Variants in TMED2 observed in about 807,000 individuals in gnomAD.
TMED2 encodes the protein transmembrane emp24 domain-containing protein 2.
Under a neutral mutation model 17.5 loss-of-function variants are expected in TMED2, and 3 were observed. That is an observed-to-expected ratio of 0.17 (90% CI 0.08 to 0.44). TMED2 has a LOEUF of 0.44. TMED2 is among the 20% of genes least tolerant of loss of function. TMED2 has a pLI of 0.99. For missense variants in TMED2, 149 were observed against 254.8 expected (o/e 0.58, Z 2.83); for synonymous variants, 95 against 91.0 (o/e 1.04, Z -0.25).
chr12:123,587,823 G>A (rs1231848297), intron 2 of TMED2, among the ~76,000 whole-genome samples: 1 of 151,974 alleles, frequency 6.6e-6, no homozygotes, highest in Admixed American at 6.6e-5. Flanking sequence ...GTATAGGTTA[G>A]GTTATTTTAA....
intron 1 of TMED2, chr12:123,585,612 G>C (rs1288059800): frequency 1.3e-5 from 2 of 152,216 alleles, no homozygotes; most frequent in Non-Finnish European, 2.9e-5. Context: ...CAGTAGGGCT[G>C]GGCACAAGTT....
chr12:123,587,786 G>T (rs994826956), intron 2 of TMED2, among the ~76,000 whole-genome samples: 5 of 151,562 alleles, frequency 3.3e-5, no homozygotes, highest in Non-Finnish European at 7.4e-5. Flanking sequence ...TATTTTTTTT[G>T]GTGGTTTTTT....
intron 3 of TMED2, among the ~76,000 whole-genome samples, chr12:123,591,397 C>G (rs1210580996): frequency 1.3e-5 from 2 of 152,196 alleles, no homozygotes; most frequent in Non-Finnish European, 2.9e-5. Context: ...TTAAGAGGTA[C>G]TATATTGACA....
chr12:123,586,257 C>T (rs986570790), intron 1 of TMED2: 1 of 151,910 alleles, frequency 6.6e-6, no homozygotes, highest in Non-Finnish European at 1.5e-5. Flanking sequence ...GAAGTCAACT[C>T]TTATTTTATA....
intron 1 of TMED2, chr12:123,585,148 AG>A (rs1196547356): frequency 7.8e-6 from 2 of 257,356 alleles, no homozygotes; most frequent in African/African-American, 2.2e-5. Flanking sequence ...CGGGCCCCAA[AG>A]GCGCTTCTCA....
intron 3 of TMED2, among the ~76,000 whole-genome samples, chr12:123,593,823 T>C (rs1197094101): frequency 6.6e-6 from 1 of 151,828 alleles, no homozygotes; most frequent in African/African-American, 2.4e-5. Context: ...AGACACAGGG[T>C]CTTACTCTGT....
Position 123,584,584 on chromosome 12 carries a change from GC to G in TMED2, c.-52del. On this transcript the variant is annotated 5_prime_UTR_variant, in exon 1 of 4. Transcript: ENST00000262225. ...CAGCGGGGCGGCGGCGGCGGCGGCG[GC>G]GGCGGCTGTGGAGGCCGCAGTCCGG... 6.4e-7 allele frequency: 1 copy of G among 1,570,262 alleles called. No homozygotes were observed. Among genetic ancestry groups the G allele is most frequent in the South Asian group, 1.1e-5 (1 of 88,702 alleles).
chr12:123,594,520 G>A (rs1402074957), intron 3 of TMED2, among the ~76,000 whole-genome samples: 1 of 152,160 alleles, frequency 6.6e-6, no homozygotes, highest in Non-Finnish European at 1.5e-5. Flanking sequence ...CTGCTTCTGA[G>A]CCTGAGGCAG....
chr12:123,587,140 C>G (rs377652594), intron 2 of TMED2, among the ~76,000 whole-genome samples: 1 of 151,660 alleles, frequency 6.6e-6, no homozygotes, highest in African/African-American at 2.4e-5. Context: ...TTTTGTTGTT[C>G]TTTTTTCTTT....
At chr12:123,584,991 G>A (rs1206466948) in intron 1 of TMED2, 175 bp downstream of exon 1, 6 of 779,772 alleles carry the variant, frequency 7.7e-6, no homozygotes, top group African/African-American at 3.5e-5. Context: ...ACCTCCTAAC[G>A]GCCCCTTTTC....
chr12:123,595,287 T>C (rs1953422987), intron 3 of TMED2, among the ~76,000 whole-genome samples: 1 of 152,186 alleles, frequency 6.6e-6, no homozygotes. Context: ...AAATAGAGTA[T>C]AGTAAATATA....
At chr12:123,587,587 T>C in intron 2 of TMED2, 1 of 1,276,606 alleles carries the variant, frequency 7.8e-7, no homozygotes, top group Non-Finnish European at 1.0e-6. Context: ...CTTTTTGTGT[T>C]AAGATATCTT....
chr12:123,585,818 T>C (rs1378029343), intron 1 of TMED2: 1 of 152,228 alleles, frequency 6.6e-6, no homozygotes, highest in African/African-American at 2.4e-5. Context: ...GTCTTCTCAT[T>C]TCCAGGCTAG....
chr12:123,587,685 G>A, intron 2 of TMED2: 4 of 1,244,746 alleles, frequency 3.2e-6, no homozygotes, highest in Non-Finnish European at 4.1e-6. Context: ...GTTTGCTAAT[G>A]TCTAATTTCT....
chr12:123,585,901 C>G (rs1397440219), intron 1 of TMED2: 1 of 152,120 alleles, frequency 6.6e-6, no homozygotes, highest in East Asian at 1.9e-4. Flanking sequence ...ATCTGGAAAA[C>G]CTTGAAATGT....
At chr12:123,584,939 G>T in intron 1 of TMED2, 123 bp downstream of exon 1, 1 of 1,273,184 alleles carries the variant, frequency 7.9e-7, no homozygotes, top group Non-Finnish European at 1.1e-6. Context: ...GAGTCCTGGA[G>T]AAGCCCAGGC....
chr12:123,587,233 G>A (rs1593637145), intron 2 of TMED2, among the ~76,000 whole-genome samples: 1 of 152,050 alleles, frequency 6.6e-6, no homozygotes. Context: ...TGCAATCTCC[G>A]CCTCCTGGGT....
At chr12:123,585,431 T>G (rs1374294559) in intron 1 of TMED2, 1 of 152,434 alleles carries the variant, frequency 6.6e-6, no homozygotes, top group African/African-American at 2.4e-5. Context: ...GTTTTAGGAG[T>G]AAGCAGTGCA....
At chr12:123,593,355 C>A (rs112002563) in intron 3 of TMED2, among the ~76,000 whole-genome samples, 1 of 151,944 alleles carries the variant, frequency 6.6e-6, no homozygotes, top group African/African-American at 2.4e-5. Flanking sequence ...TGGGTTCAAG[C>A]GATTCTCCTG....
Sources: gnomAD v4.1 joint callset for allele counts (sites outside exome capture counted in the v4.1 genomes callset) on GRCh38, gnomAD v4.1.1 for gene constraint, MANE v1.5 for transcripts, NCBI Gene and HGNC (gene_info 2026-07-23, HGNC 2026-07-21) for gene names.